Variants in PRC1 observed in about 807,000 individuals in gnomAD.
PRC1 encodes the protein protein regulator of cytokinesis 1.
Under a neutral mutation model 91.2 loss-of-function variants are expected in PRC1, and 54 were observed. The observed-to-expected ratio is 0.59, with a 90% CI of 0.48 to 0.74. The LOEUF (loss-of-function observed/expected upper bound fraction) is 0.74, where lower values mean the gene tolerates loss of function less well. PRC1 is among the 30% of genes least tolerant of loss of function. The probability of loss-of-function intolerance (pLI) is 0.00; values close to 1 mark genes in which losing one functional copy is unlikely to be tolerated. For synonymous variants in PRC1, 275 were observed against 263.6 expected (o/e 1.04, Z -0.42); for missense variants, 727 against 746.2 (o/e 0.97, Z 0.30).
intron 1 of PRC1, 89 bp downstream of exon 1, chr15:90,994,318 C>A: frequency 6.3e-7 from 1 of 1,587,120 alleles, no homozygotes; most frequent in South Asian, 1.1e-5. Context: ...CCCGGGACCC[C>A]GCACGGGTCC....
intron 1 of PRC1, among the ~76,000 whole-genome samples, chr15:90,993,239 T>A (rs915447892): frequency 6.9e-6 from 1 of 145,316 alleles, no homozygotes; most frequent in East Asian, 2.1e-4. Context: ...AGACGTAGTC[T>A]CACTCTGTCG....
intron 1 of PRC1, chr15:90,988,320 T>A (rs1016470721): frequency 2.0e-5 from 3 of 152,206 alleles, no homozygotes; most frequent in Non-Finnish European, 4.4e-5. Flanking sequence ...GGCACTGCTC[T>A]GAAGGTCATT....
At position 90,984,943 on chromosome 15, in the gene PRC1, G is replaced by T; in HGVS notation, c.12-118C>A. 7.7e-7 allele frequency: 1 copy of T among 1,295,390 alleles called. No homozygotes were observed. The allele number at this position is 1,295,390 out of a possible 1,614,324, so 80.2% of individuals were successfully genotyped here. A position where few individuals can be genotyped will look rare whatever the true frequency, so the allele number is the denominator to read the frequency against. ...AGTGGCCTCGAGAAAAAAACAAATT[G>T]AAAACAAGCATTCAGCTTAATTCAC... On this transcript the variant is annotated intron_variant, in intron 1 of 14. Coordinates refer to ENST00000394249, the MANE Select transcript of PRC1 (RefSeq NM_003981.4). The surrounding 1 kb of genome is among the most constrained non-coding windows in gnomAD (Gnocchi z 5.1).
Position 90,980,505 on chromosome 15 carries a change from A to G in PRC1, c.823-116T>C, listed in dbSNP as rs372682026. On this transcript the variant is annotated intron_variant, in intron 6 of 14. Transcript: ENST00000394249. ...ATGCAAAGCCACAAAGGTATTATAA[A>G]TCAACACTTTTTTTTTTTTTTTTTT... 9.8e-5 allele frequency: 109 copies of G among 1,110,136 alleles called. No individual in the cohort carries two copies. The African/African-American group carries it at 1.6e-3, about 17-fold the overall frequency. 68.8% of individuals were successfully genotyped at this position (1,110,136 alleles called of 1,614,324 possible).
Position 90,966,598 on chromosome 15 carries a change from G to T in PRC1, c.*533C>A, listed in dbSNP as rs1488093455. The T allele has an allele frequency of 2.2e-6, 1 of 456,132 alleles. No individual in the cohort carries two copies. Among genetic ancestry groups the T allele is most frequent in the East Asian group, 6.9e-5 (1 of 14,400 alleles). The allele number at this position is 456,132 out of a possible 1,614,324, so 28.3% of individuals were successfully genotyped here. ...TTCCTGTCACCTCTTTGGCAGTAGGGCAGGCCATCTCAACTTCGGACACAC... is the reference window on the plus strand; with the variant it reads ...TTCCTGTCACCTCTTTGGCAGTAGGTCAGGCCATCTCAACTTCGGACACAC... On this transcript the variant is annotated 3_prime_UTR_variant, in exon 15 of 15. Transcript: ENST00000394249.
chr15:90,969,983 T>TA (rs1315314799), intron 12 of PRC1, among the ~76,000 whole-genome samples: 1 of 152,114 alleles, frequency 6.6e-6, no homozygotes, highest in Non-Finnish European at 1.5e-5. Flanking sequence ...CATAGTCTAA[T>TA]AAAATATTTG....
chr15:90,969,500 G>A lies in PRC1; in HGVS notation c.1696C>T (p.Leu566Phe), dbSNP rs762766233. The change falls in exon 13 of 15, where the codon CTC becomes TTC. Residue 566 changes from leucine to phenylalanine, a missense_variant. Coordinates refer to ENST00000394249, the MANE Select transcript of PRC1 (RefSeq NM_003981.4). ...LSGGYPGSAP[L>F]QRNFSINSVA... ...GAATTAATGCTGAAGTTGCGCTGGA[G>A]GGGGGCCGAGCCAGGGTACCCACCA... 2 of 1,612,238 alleles carry A rather than the reference G, an allele frequency of 1.2e-6. No homozygotes were observed. Among genetic ancestry groups the A allele is most frequent in the African/African-American group, 2.7e-5 (2 of 74,808 alleles).
At chr15:90,988,826 A>C (rs1435353890) in intron 1 of PRC1, among the ~76,000 whole-genome samples, 1 of 152,146 alleles carries the variant, frequency 6.6e-6, no homozygotes, top group Non-Finnish European at 1.5e-5. Flanking sequence ...ATATAAAATG[A>C]ATGGCCCTGA....
chr15:90,973,304 C>T (rs1321341772), intron 11 of PRC1, among the ~76,000 whole-genome samples: 1 of 152,208 alleles, frequency 6.6e-6, no homozygotes, highest in Non-Finnish European at 1.5e-5. Context: ...GCAGCATGTG[C>T]CTTGTTAACA....
chr15:90,975,199 G>C (rs1371328203), intron 9 of PRC1, among the ~76,000 whole-genome samples: 1 of 152,138 alleles, frequency 6.6e-6, no homozygotes, highest in Non-Finnish European at 1.5e-5. Context: ...TCCACCTCCC[G>C]GGTTCAAGCG....
At chr15:90,980,213 CA>C (rs1484957867) in intron 7 of PRC1, 28 bp downstream of exon 7, 3 of 1,560,530 alleles carry the variant, frequency 1.9e-6, no homozygotes, top group African/African-American at 1.4e-5. Context: ...TCCAAACAAA[CA>C]AACCAAAGAC....
At chr15:90,970,219 CTCT>C (rs2037989218) in intron 12 of PRC1, among the ~76,000 whole-genome samples, 182 bp downstream of exon 12, 1 of 152,152 alleles carries the variant, frequency 6.6e-6, no homozygotes, top group Admixed American at 6.5e-5. Context: ...AGTGACTGTT[CTCT>C]TTTTTTGCAC....
chr15:90,994,268 C>T, intron 1 of PRC1, 139 bp downstream of exon 1: 1 of 1,373,174 alleles, frequency 7.3e-7, no homozygotes, highest in East Asian at 2.6e-5. Context: ...CCCTCAGCGC[C>T]CCCGGCCTCC....
intron 14 of PRC1, chr15:90,968,772 ATTC>A: frequency 3.7e-5 from 44 of 1,193,656 alleles, no homozygotes; most frequent in Non-Finnish European, 4.6e-5. Context: ...GGGGGCCTCT[ATTC>A]TTTCCAGCTA....
At chr15:90,968,427 G>A (rs1284799352) in intron 14 of PRC1, 4 of 985,688 alleles carry the variant, frequency 4.1e-6, no homozygotes, top group Admixed American at 6.1e-5. Context: ...TCAAGGGTGA[G>A]GAACATCCTC....
intron 5 of PRC1, 42 bp downstream of exon 5, chr15:90,981,457 T>C: frequency 6.2e-7 from 1 of 1,607,124 alleles, no homozygotes; most frequent in Non-Finnish European, 8.5e-7. Context: ...CAAACTGCTA[T>C]ATACTACGGA....
chr15:90,989,603 A>G (rs1285819475), intron 1 of PRC1, among the ~76,000 whole-genome samples: 2 of 151,882 alleles, frequency 1.3e-5, no homozygotes, highest in African/African-American at 4.8e-5. Context: ...ATTTGCCCAA[A>G]AGAAATGAAA....
At chr15:90,980,828 C>G in intron 6 of PRC1, 56 bp downstream of exon 6, 1 of 1,608,640 alleles carries the variant, frequency 6.2e-7, no homozygotes, top group East Asian at 2.2e-5. Flanking sequence ...GTCTTTATGA[C>G]TAACACAGAA....
intron 14 of PRC1, 177 bp downstream of exon 14, chr15:90,968,898 TATTA>T (rs1266641923): frequency 1.5e-5 from 21 of 1,412,426 alleles, no homozygotes; most frequent in Admixed American, 5.7e-5. Flanking sequence ...GAACAAATTT[TATTA>T]ATTAATCTGT....
Sources: allele counts gnomAD v4.1 joint callset (sites outside exome capture counted in the v4.1 genomes callset), GRCh38; gene constraint gnomAD v4.1.1; non-coding constraint Gnocchi (gnomAD v3.1); transcripts MANE v1.5; gene names NCBI Gene and HGNC (gene_info 2026-07-23, HGNC 2026-07-21).